Variants in C1QL4 observed in about 807,000 individuals in gnomAD.
C1QL4 encodes the protein complement C1q-like protein 4.
In C1QL4, 5 loss-of-function variants were observed where a neutral mutation model predicts 13.4. That is an observed-to-expected ratio of 0.37 (90% CI 0.19 to 0.78). The LOEUF (loss-of-function observed/expected upper bound fraction) is 0.78, where lower values mean the gene tolerates loss of function less well. Among genes scored for constraint, C1QL4 ranks in the 30% least tolerant of loss-of-function variants. The pLI, the probability that C1QL4 is intolerant of heterozygous loss-of-function variation, is 0.47. For synonymous variants in C1QL4, 168 were observed against 153.9 expected (o/e 1.09, Z -0.68); for missense variants, 367 against 361.6 (o/e 1.01, Z -0.12).
chr12:49,336,249 G>C lies in C1QL4; in HGVS notation c.229C>G (p.Pro77Ala). 2.1e-6 allele frequency: 3 copies of C among 1,449,924 alleles called. No homozygotes were observed. In the South Asian group the frequency reaches 4.3e-5, roughly 21 times the overall value. 89.8% of individuals were successfully genotyped at this position (1,449,924 alleles called of 1,614,324 possible). Residue 77 changes from proline to alanine, a missense_variant, in exon 1 of 2, where the codon CCA (proline) becomes GCA (alanine). Pro to Ala is a conservative substitution (Grantham distance 27). Coordinates refer to ENST00000334221, the MANE Select transcript of C1QL4 (RefSeq NM_001008223.2). The surrounding 1 kb of genome is among the most constrained non-coding windows in gnomAD (Gnocchi z 7.7). ...CCGGGTTCTCCTGGGGGCCCTCTTG[G>C]ACCTGGTGGTCCAGGGGGCCCCCGC... ...GLRGPPGPPG[P>A]RGPPGEPGRP...
At position 49,336,183 on chromosome 12, in the gene C1QL4, C is replaced by G. The variant is rs745787626; in HGVS notation, c.295G>C (p.Gly99Arg). 8.2e-6 allele frequency: 13 copies of G among 1,592,610 alleles called. No homozygotes were observed. Among genetic ancestry groups the G allele is most frequent in the Non-Finnish European group, 1.1e-5 (13 of 1,170,270 alleles). Residue 99 changes from glycine to arginine, a missense_variant, in exon 1 of 2, where the codon GGG becomes CGG. Physicochemically the swap from Gly to Arg is moderately radical, Grantham distance 125. Transcript: ENST00000334221. The surrounding 1 kb of genome is among the most constrained non-coding windows in gnomAD (Gnocchi z 7.7). ...ACGTAGCCGGCAGCGGGCGCCACCC[C>G]GCCCGGACCTGGACCGGGAGGGCCC... ...PPGPPGPGPG[G>R]VAPAAGYVPR...
At position 49,335,944 on chromosome 12, in the gene C1QL4, T is replaced by A; in HGVS notation, c.534A>T (p.Gly178=). The change falls in exon 1 of 2, where the codon GGA becomes GGT. Residue 178 remains glycine, a synonymous_variant. Coordinates refer to ENST00000334221, the MANE Select transcript of C1QL4 (RefSeq NM_001008223.2). The part of the protein sequence containing the change: ...TSMWADLMKN[G]QVRASAIAQD... ...GTTGGGGAGAGGGGCATCTCACCTG[T>A]CCGTTCTTCATGAGGTCGGCCCACA... 1 of 1,600,184 alleles carries A rather than the reference T, an allele frequency of 6.2e-7. No individual in the cohort carries two copies. The highest frequency in any genetic ancestry group is 8.5e-7 in the Non-Finnish European group (1 of 1,174,492).
Position 49,333,105 on chromosome 12 carries a change from G to C in C1QL4, c.666C>G (p.Gly222=). Residue 222 remains glycine, a synonymous_variant, in exon 2 of 2, where the codon GGC becomes GGG. Coordinates refer to ENST00000334221, the MANE Select transcript of C1QL4 (RefSeq NM_001008223.2). ...AGAAGGTGCTGTACTTGTTGGTGTT[G>C]CCGCCGTGCACTTTCCCGCCGTCCA... ...IKLDGGKVHG[G]NTNKYSTFSG... 6.2e-7 allele frequency: 1 copy of C among 1,614,106 alleles called. No individual in the cohort carries two copies. Among genetic ancestry groups the C allele is most frequent in the East Asian group, 2.2e-5 (1 of 44,880 alleles).
Position 49,335,996 on chromosome 12 carries a change from A to T in C1QL4, c.482T>A (p.Leu161His). Residue 161 changes from leucine to histidine, a missense_variant, in exon 1 of 2, where the codon CTC becomes CAC. Coordinates refer to ENST00000334221, the MANE Select transcript of C1QL4 (RefSeq NM_001008223.2). ...PGVYFFAYHV[L>H]MRGGDGTSMW... ...GCTGGTGCCGTCGCCGCCGCGCATG[A>T]GCACGTGGTAAGCGAAGAAGTAGAC... 6.2e-7 allele frequency: 1 copy of T among 1,610,674 alleles called. No homozygotes were observed. Among genetic ancestry groups the T allele is most frequent in the Non-Finnish European group, 8.5e-7 (1 of 1,179,368 alleles).
intron 1 of C1QL4, among the ~76,000 whole-genome samples, chr12:49,334,085 C>A (rs573014476): frequency 2.6e-5 from 4 of 151,654 alleles, no homozygotes; most frequent in African/African-American, 7.3e-5. Flanking sequence ...CCCAGCTACC[C>A]GGGAGGCCGA....
At position 49,336,544 on chromosome 12, in the gene C1QL4, C is replaced by A. The variant is rs534953389; in HGVS notation, c.-67G>T. Reference sequence around the variant, plus strand: ...TCAGCCGCGACGCTGCCAGGGCCAGCAAATCTTCCTCACTCTTGGGCGCAA... The same window carrying A: ...TCAGCCGCGACGCTGCCAGGGCCAGAAAATCTTCCTCACTCTTGGGCGCAA... On this transcript the variant is annotated 5_prime_UTR_variant, in exon 1 of 2. Transcript: ENST00000334221. This position sits in a 1 kb window ranked among gnomAD's most constrained non-coding sequence, Gnocchi z 7.7. 2.1e-5 allele frequency: 30 copies of A among 1,404,442 alleles called. No individual in the cohort carries two copies. In the East Asian group the frequency reaches 7.5e-4, roughly 35 times the overall value. 87.0% of individuals were successfully genotyped at this position (1,404,442 alleles called of 1,614,324 possible). A position where few individuals can be genotyped will look rare whatever the true frequency, so the allele number is the denominator to read the frequency against.
chr12:49,333,921 C>T (rs1943611638), intron 1 of C1QL4, among the ~76,000 whole-genome samples: 1 of 151,448 alleles, frequency 6.6e-6, no homozygotes, highest in Admixed American at 6.6e-5. Flanking sequence ...CGGCCAGGCG[C>T]GGTGGCTCAT....
chr12:49,334,309 G>A (rs146107655), intron 1 of C1QL4, among the ~76,000 whole-genome samples: 7 of 152,374 alleles, frequency 4.6e-5, no homozygotes, highest in Admixed American at 1.3e-4. Flanking sequence ...GTGGGGCATA[G>A]GTGTGCCTGT....
rs1416710418 is a variant in C1QL4, at chr12:49,335,882, G to A, written c.537+59C>T. 28 of 1,544,200 alleles carry A rather than the reference G, an allele frequency of 1.8e-5. No homozygotes were observed. In the East Asian group the frequency reaches 6.5e-4, roughly 36 times the overall value. ...GGAATAATCTCAGGTTGTGGGATGA[G>A]TGCAGGGAGATCTAGAGAGCGACCA... On this transcript the variant is annotated intron_variant, in intron 1 of 1. Transcript: ENST00000334221.
rs1943605772 is a variant in C1QL4, at chr12:49,333,236, A to G, written c.538-3T>C. 3.7e-6 allele frequency: 6 copies of G among 1,613,066 alleles called. No individual in the cohort carries two copies. Among genetic ancestry groups the G allele is most frequent in the Non-Finnish European group, 5.1e-6 (6 of 1,179,480 alleles). On this transcript the variant is annotated splice_polypyrimidine_tract_variant and splice_region_variant and intron_variant, in intron 1 of 1. Coordinates refer to ENST00000334221, the MANE Select transcript of C1QL4 (RefSeq NM_001008223.2). ...TGAGCAATGGCGCTGGCCCGGACCT[A>G]TCGAGGGAGAAGAACCTGCTCATGC...
In C1QL4 at chr12:49,333,693, C is replaced by T. The variant is rs1359048247; in HGVS notation, c.538-460G>A. Among the ~76,000 whole-genome samples, 5 of 151,348 alleles carry T rather than the reference C, an allele frequency of 3.3e-5. No homozygotes were observed. The South Asian group carries it at 8.4e-4, about 25-fold the overall frequency. ...CTGGGATTACAGACGCCTACTACCACGCCCAGCTAATTTTTTCTATTTTTA... is the reference window on the plus strand; with the variant it reads ...CTGGGATTACAGACGCCTACTACCATGCCCAGCTAATTTTTTCTATTTTTA... On this transcript the variant is annotated intron_variant, in intron 1 of 1. Transcript: ENST00000334221.
At chr12:49,335,829 G>A (rs528434620) in intron 1 of C1QL4, 112 bp downstream of exon 1, 5 of 1,338,320 alleles carry the variant, frequency 3.7e-6, no homozygotes, top group East Asian at 5.1e-5. Context: ...GCAGCCTCGC[G>A]TTCCTGGATT....
Position 49,332,740 on chromosome 12 carries a change from C to T in C1QL4, c.*314G>A, listed in dbSNP as rs185864211. The T allele has an allele frequency of 5.7e-5, 16 of 282,050 alleles. No individual in the cohort carries two copies. Among genetic ancestry groups the T allele is most frequent in the Non-Finnish European group, 1.0e-4 (15 of 150,204 alleles). 17.5% of individuals were successfully genotyped at this position (282,050 alleles called of 1,614,324 possible). ...TCCGGCTTTCTGGGCCTCTGAGTCC[C>T]GCTATTAAAACTGCTCCCCATCTCT... is the stretch of plus-strand genomic sequence containing the variant. On this transcript the variant is annotated 3_prime_UTR_variant, in exon 2 of 2. Coordinates refer to ENST00000334221, the MANE Select transcript of C1QL4 (RefSeq NM_001008223.2).
intron 1 of C1QL4, 105 bp from the exon 2 acceptor site, chr12:49,333,338 C>T: frequency 2.5e-6 from 3 of 1,182,980 alleles, no homozygotes; most frequent in Admixed American, 2.6e-5. Context: ...GCCGCAGGGG[C>T]TGGGGAGGAC....
chr12:49,333,819 T>G (rs544353068), intron 1 of C1QL4, among the ~76,000 whole-genome samples: 35 of 151,722 alleles, frequency 2.3e-4, no homozygotes, highest in Admixed American at 1.9e-3. Context: ...ATTACAGGCG[T>G]GAGCCACCGC....
chr12:49,336,719 CA>C lies in C1QL4; in HGVS notation c.-243del. The C allele has an allele frequency of 2.1e-6, 1 of 468,098 alleles. No individual in the cohort carries two copies. The highest frequency in any genetic ancestry group is 3.7e-6 in the Non-Finnish European group (1 of 269,228). 29.0% of individuals were successfully genotyped at this position (468,098 alleles called of 1,614,324 possible). A position where few individuals can be genotyped will look rare whatever the true frequency, so the allele number is the denominator to read the frequency against. On this transcript the variant is annotated 5_prime_UTR_variant, in exon 1 of 2. Transcript: ENST00000334221. This position sits in a 1 kb window ranked among gnomAD's most constrained non-coding sequence, Gnocchi z 7.7. Reference sequence around the variant, plus strand: ...CGGTGCCGCTCCCCAAGCCGTCCGTCAAGGGGAGGCCCCTCGTGGGTTACGT... The same window carrying C: ...CGGTGCCGCTCCCCAAGCCGTCCGTCAGGGGAGGCCCCTCGTGGGTTACGT...
intron 1 of C1QL4, among the ~76,000 whole-genome samples, chr12:49,334,883 G>A (rs929243376): frequency 3.3e-5 from 5 of 152,264 alleles, no homozygotes; most frequent in Admixed American, 1.3e-4. Context: ...AGCAGGTCTC[G>A]GGGCAGGTAG....
intron 1 of C1QL4, among the ~76,000 whole-genome samples, chr12:49,335,059 C>T (rs1565674943): frequency 6.6e-6 from 1 of 152,250 alleles, no homozygotes; most frequent in African/African-American, 2.4e-5. Flanking sequence ...CTCTAGTTCC[C>T]ACTATGTGTG....
rs1943637868 is a variant in C1QL4 at position 49,336,859 on chromosome 12, G to A, written c.-382C>T. On this transcript the variant is annotated 5_prime_UTR_variant, in exon 1 of 2. Transcript: ENST00000334221. This position sits in a 1 kb window ranked among gnomAD's most constrained non-coding sequence, Gnocchi z 7.7. ...CTTCTCGGACGGCTGGTTTCTTAGG[G>A]ATCTGAGATGCCTGCTCTCCAGACT... 5.0e-6 allele frequency: 1 copy of A among 198,964 alleles called. No individual in the cohort carries two copies. Among genetic ancestry groups the A allele is most frequent in the African/African-American group, 2.3e-5 (1 of 43,214 alleles). 12.3% of individuals were successfully genotyped at this position (198,964 alleles called of 1,614,324 possible).
Sources: gnomAD v4.1 joint callset for allele counts (sites outside exome capture counted in the v4.1 genomes callset) on GRCh38, gnomAD v4.1.1 for gene constraint, Gnocchi (gnomAD v3.1) non-coding constraint, MANE v1.5 for transcripts, NCBI Gene and HGNC (gene_info 2026-07-23, HGNC 2026-07-21) for gene names.